The following ATAD2 variants were observed in gnomAD, a reference collection of about 807,000 sequenced individuals.
The protein encoded by ATAD2 is ATPase family AAA domain containing 2.
ATAD2 carries 62 observed loss-of-function variants against 168.9 expected under a neutral mutation model. The observed-to-expected ratio is 0.37, with a 90% CI of 0.30 to 0.45. The LOEUF (loss-of-function observed/expected upper bound fraction) is 0.45, where lower values mean the gene tolerates loss of function less well. Among genes scored for constraint, ATAD2 ranks in the 20% least tolerant of loss-of-function variants. The pLI, the probability that ATAD2 is intolerant of heterozygous loss-of-function variation, is 1.00. For synonymous variants in ATAD2, 613 were observed against 571.6 expected, an observed-to-expected ratio of 1.07 and a Z score of -1.03; for missense variants, 1,419 against 1,667.8, an observed-to-expected ratio of 0.85 and a Z score of 2.60.
intron 18 of ATAD2, among the ~76,000 whole-genome samples, chr8:123,345,507 A>C (rs1022590661): frequency 8.8e-6 from 1 of 113,394 alleles, no homozygotes; most frequent in Non-Finnish European, 1.6e-5. Context: ...ATTAAAATAC[A>C]AAAAAAAAAA....
chr8:123,346,071 G>T lies in ATAD2; in HGVS notation c.2532+15C>A. ...AAAGCCTGTTTTGTCTTATACTTGG[G>T]CACCAACAAATTACCTGGGCACATG... On this transcript the variant is annotated intron_variant, in intron 18 of 27. Coordinates refer to ENST00000287394, the MANE Select transcript of ATAD2 (RefSeq NM_014109.4). 2 of 1,484,532 alleles carry T rather than the reference G, an allele frequency of 1.3e-6. No homozygotes were observed. The highest frequency in any genetic ancestry group is 2.8e-5 in the South Asian group (2 of 70,202). The allele number at this position is 1,484,532 out of a possible 1,614,324, so 92.0% of individuals were successfully genotyped here. A position where few individuals can be genotyped will look rare whatever the true frequency, so the allele number is the denominator to read the frequency against.
intron 1 of ATAD2, among the ~76,000 whole-genome samples, chr8:123,413,992 A>T (rs1780738658): frequency 6.6e-6 from 1 of 151,264 alleles, no homozygotes; most frequent in African/African-American, 2.4e-5. Flanking sequence ...CCTCCACAAG[A>T]AAATACACAA....
At chr8:123,370,748 T>C (rs1199304342) in intron 6 of ATAD2, among the ~76,000 whole-genome samples, 155 bp downstream of exon 6, 1 of 152,128 alleles carries the variant, frequency 6.6e-6, no homozygotes, top group Admixed American at 6.6e-5. Flanking sequence ...ACTATCCTCT[T>C]AAGCTCTCCC....
intron 26 of ATAD2, 67 bp downstream of exon 26, chr8:123,325,826 G>A (rs1827599562): frequency 6.4e-7 from 1 of 1,565,952 alleles, no homozygotes; most frequent in Non-Finnish European, 8.7e-7. Context: ...AATGCTACTA[G>A]TCACAAGCCA....
At chr8:123,349,659 C>A (rs902929847) in intron 13 of ATAD2, among the ~76,000 whole-genome samples, 1 of 151,816 alleles carries the variant, frequency 6.6e-6, no homozygotes, top group Admixed American at 6.6e-5. Flanking sequence ...GTTGTTAGAC[C>A]CCCCACAAAT....
intron 23 of ATAD2, 27 bp from the exon 24 acceptor site, chr8:123,334,048 A>G: frequency 6.3e-7 from 1 of 1,591,508 alleles, no homozygotes; most frequent in East Asian, 2.2e-5. Flanking sequence ...TGGGATGTCA[A>G]AAGGATTTCC....
intron 9 of ATAD2, 131 bp downstream of exon 9, chr8:123,361,408 A>T (rs1364816748): frequency 1.2e-5 from 7 of 601,244 alleles, no homozygotes; most frequent in Admixed American, 2.4e-5. Context: ...ACAGCATTCT[A>T]GTTTATACAT....
intron 9 of ATAD2, 145 bp downstream of exon 9, chr8:123,361,391 TAAC>T (rs1407688601): frequency 1.9e-6 from 1 of 526,246 alleles, no homozygotes; most frequent in Non-Finnish European, 3.5e-6. Flanking sequence ...TAGATAATTC[TAAC>T]AAGACAGCAT....
Position 123,396,041 on chromosome 8 carries a change from T to C in ATAD2, c.171+146A>G, listed in dbSNP as rs1297297586. 8 of 963,342 alleles carry C rather than the reference T, an allele frequency of 8.3e-6. No individual in the cohort carries two copies. The South Asian group carries it at 1.4e-4, about 17-fold the overall frequency. The allele number at this position is 963,342 out of a possible 1,614,324, so 59.7% of individuals were successfully genotyped here. A position where few individuals can be genotyped will look rare whatever the true frequency, so the allele number is the denominator to read the frequency against. ...ACCCGCACCTCCGATCCCGAGAGCTTCCATTTTACTCGTCCTCGACCACAC... is the reference window on the plus strand; with the variant it reads ...ACCCGCACCTCCGATCCCGAGAGCTCCCATTTTACTCGTCCTCGACCACAC... On this transcript the variant is annotated intron_variant, in intron 1 of 27. Coordinates refer to ENST00000287394, the MANE Select transcript of ATAD2 (RefSeq NM_014109.4).
chr8:123,384,620 A>G (rs1284011570), intron 1 of ATAD2, among the ~76,000 whole-genome samples: 2 of 152,232 alleles, frequency 1.3e-5, no homozygotes, highest in South Asian at 2.1e-4. Context: ...CCCATGTGCC[A>G]GGCCCATGCA....
intron 11 of ATAD2, among the ~76,000 whole-genome samples, chr8:123,358,430 C>T (rs554966149): frequency 4.9e-4 from 75 of 151,936 alleles, no homozygotes; most frequent in Middle Eastern, 3.4e-3. Context: ...CTGCAACCTC[C>T]GCATCCCAGG....
chr8:123,399,045 G>A (rs942882943), upstream of ATAD2, among the ~76,000 whole-genome samples: 10 of 152,070 alleles, frequency 6.6e-5, no homozygotes, highest in Non-Finnish European at 1.3e-4. Flanking sequence ...GGCAGATCAC[G>A]AGGTCAAGAG....
upstream of ATAD2, chr8:123,400,539 G>T: frequency 2.3e-6 from 1 of 431,116 alleles, no homozygotes; most frequent in Non-Finnish European, 4.4e-6. This position sits in a 1 kb window ranked among gnomAD's most constrained non-coding sequence, Gnocchi z 4.5. Context: ...TGGCAGCCGA[G>T]CGGGTGTTTA....
In ATAD2 at chr8:123,361,660, C is replaced by CAA; in HGVS notation, c.1050-16_1050-15dup. 6.3e-7 allele frequency: 1 copy of CAA among 1,583,676 alleles called. No homozygotes were observed. Among genetic ancestry groups the CAA allele is most frequent in the Non-Finnish European group, 8.7e-7 (1 of 1,155,258 alleles). Reference sequence around the variant, plus strand: ...GCATGCCTTCGCCTAAAGTAAAAAACAAAATTGAAATCATGATAAGGAAGG... The same window carrying CAA: ...GCATGCCTTCGCCTAAAGTAAAAAACAAAAAATTGAAATCATGATAAGGAAGG... On this transcript the variant is annotated splice_polypyrimidine_tract_variant and intron_variant, in intron 8 of 27. Transcript: ENST00000287394.
intron 1 of ATAD2, among the ~76,000 whole-genome samples, chr8:123,382,305 A>G (rs1829514526): frequency 6.6e-6 from 1 of 152,258 alleles, no homozygotes; most frequent in Non-Finnish European, 1.5e-5. Flanking sequence ...GGATATTTAT[A>G]CCACAATAAT....
chr8:123,341,216 ATAT>A (rs1828053286), intron 19 of ATAD2, among the ~76,000 whole-genome samples: 1 of 152,202 alleles, frequency 6.6e-6, no homozygotes, highest in African/African-American at 2.4e-5. Context: ...TGCTTAGAAA[ATAT>A]TATCCTAAGA....
intron 1 of ATAD2, among the ~76,000 whole-genome samples, chr8:123,387,403 G>A (rs1363435149): frequency 6.6e-6 from 1 of 152,032 alleles, no homozygotes; most frequent in Non-Finnish European, 1.5e-5. Context: ...GTATTAAACC[G>A]AAGTCATCTA....
At chr8:123,389,960 T>TTATATATATATATATATTTATATATATA (rs1829770395) in intron 1 of ATAD2, among the ~76,000 whole-genome samples, 1 of 94,060 alleles carries the variant, frequency 1.1e-5, no homozygotes, top group East Asian at 3.0e-4. Flanking sequence ...TACTATTATT[T>TTATATATATATATATATTTATATATATA]TATATATATA....
upstream of ATAD2, chr8:123,400,618 G>C (rs1164782680): frequency 1.3e-5 from 8 of 624,472 alleles, 1 homozygote; most frequent in South Asian, 1.2e-4. This position sits in a 1 kb window ranked among gnomAD's most constrained non-coding sequence, Gnocchi z 4.5. Flanking sequence ...CTGCGTGCCC[G>C]AGGACGGGCT....
Sources: allele counts gnomAD v4.1 joint callset (sites outside exome capture counted in the v4.1 genomes callset), GRCh38; gene constraint gnomAD v4.1.1; non-coding constraint Gnocchi (gnomAD v3.1); transcripts MANE v1.5; gene names NCBI Gene and HGNC (gene_info 2026-07-23, HGNC 2026-07-21).